Variants in PLEKHB2 observed in about 807,000 individuals in gnomAD.
The protein encoded by PLEKHB2 is pleckstrin homology domain-containing family B member 2.
Under a neutral mutation model 36.5 loss-of-function variants are expected in PLEKHB2, and 31 were observed. That is an observed-to-expected ratio of 0.85 (90% CI 0.64 to 1.15). The LOEUF is 1.15. PLEKHB2 is among the 50% of genes most tolerant of loss of function. The pLI is 0.00. For synonymous variants in PLEKHB2, 119 were observed against 112.0 expected, an observed-to-expected ratio of 1.06 and a Z score of -0.39; for missense variants, 262 against 295.3, an observed-to-expected ratio of 0.89 and a Z score of 0.83.
chr2:131,130,587 C>A (rs192351782), intron 4 of PLEKHB2, 134 bp from the exon 5 acceptor site: 1 of 710,722 alleles, frequency 1.4e-6, no homozygotes, highest in Non-Finnish European at 2.5e-6. Flanking sequence ...GTGCATGTCT[C>A]AAGTGGTTTG....
rs1011687783 is a variant in PLEKHB2, at chr2:131,116,365, A to G, written c.-8-4569A>G. On this transcript the variant is annotated intron_variant, in intron 1 of 7. Transcript: ENST00000693505. ...GAAACACCAGAGAAAACATAGGCAC[A>G]ACATTCGTTGTATTAGTCTGTTCTC... 9.2e-5 allele frequency among the ~76,000 whole-genome samples: 14 copies of G among 152,350 alleles called. No homozygotes were observed. In the East Asian group the frequency reaches 1.7e-3, roughly 19 times the overall value.
At chr2:131,119,405 C>T (rs1209155044) in intron 1 of PLEKHB2, among the ~76,000 whole-genome samples, 4 of 152,212 alleles carry the variant, frequency 2.6e-5, no homozygotes, top group Non-Finnish European at 5.9e-5. Context: ...GGATTCCTCC[C>T]AGGAGGCAGC....
chr2:131,124,348 G>A (rs562001298), intron 2 of PLEKHB2, among the ~76,000 whole-genome samples: 61 of 152,306 alleles, frequency 4.0e-4, no homozygotes, highest in African/African-American at 1.4e-3. Flanking sequence ...GGGATTGTGT[G>A]TGTTGGCCAA....
rs1313244144 is a variant in PLEKHB2 at position 131,148,734 on chromosome 2, G to C, written c.*1961G>C. On this transcript the variant is annotated 3_prime_UTR_variant, in exon 8 of 8. Coordinates refer to ENST00000693505, the MANE Select transcript of PLEKHB2 (RefSeq NM_001100623.2). The stretch of plus-strand genomic sequence containing the variant: ...TCTGTTTCCACATGGAAGGATGTCT[G>C]TTTATCTCTCATCTCTGAATAGATG... The C allele has an allele frequency of 3.3e-5, 5 of 152,156 alleles. No individual in the cohort carries two copies. Among genetic ancestry groups the C allele is most frequent in the South Asian group, 4.1e-4 (2 of 4,824 alleles). 9.4% of individuals were successfully genotyped at this position (152,156 alleles called of 1,614,324 possible).
intron 6 of PLEKHB2, among the ~76,000 whole-genome samples, chr2:131,138,534 G>A (rs551781317): frequency 1.3e-5 from 2 of 152,240 alleles, no homozygotes; most frequent in African/African-American, 4.8e-5. Context: ...CTGGGGAGCT[G>A]CTTTATTGCT....
chr2:131,146,106 T>C (rs1699265249), intron 7 of PLEKHB2, among the ~76,000 whole-genome samples: 1 of 151,516 alleles, frequency 6.6e-6, no homozygotes. Context: ...AGCTTGAACC[T>C]GGGCGGTGGA....
intron 2 of PLEKHB2, 136 bp downstream of exon 2, chr2:131,121,114 A>G: frequency 1.3e-6 from 1 of 763,102 alleles, no homozygotes; most frequent in East Asian, 2.7e-5. Context: ...CCCCTTGGAC[A>G]TTCCTAGATC....
chr2:131,140,344 CG>C (rs1698663001), intron 7 of PLEKHB2, 69 bp downstream of exon 7: 1 of 795,646 alleles, frequency 1.3e-6, no homozygotes, highest in African/African-American at 1.7e-5. Flanking sequence ...GACCTGTAAA[CG>C]TTTTTATTTT....
At chr2:131,129,788 A>T (rs1355113400) in intron 4 of PLEKHB2, among the ~76,000 whole-genome samples, 1 of 123,460 alleles carries the variant, frequency 8.1e-6, no homozygotes, top group Admixed American at 9.1e-5. Context: ...CAGGCGTGAG[A>T]GACTGCTTTT....
At chr2:131,132,391 C>T (rs1002515516) in intron 5 of PLEKHB2, among the ~76,000 whole-genome samples, 2 of 152,078 alleles carry the variant, frequency 1.3e-5, no homozygotes, top group African/African-American at 2.4e-5. Flanking sequence ...ACTGCAGTCT[C>T]GAGCTCCTGG....
intron 4 of PLEKHB2, among the ~76,000 whole-genome samples, chr2:131,129,324 CAAAAAAAAAAAAAAAA>C (rs1168039416): frequency 8.0e-5 from 4 of 49,930 alleles, no homozygotes; most frequent in African/African-American, 1.4e-4. Flanking sequence ...GACTCCATCT[CAAAAAAAAAAAAAAAA>C]AAAAAAAAAA....
rs1372209414 is a variant in PLEKHB2, at chr2:131,149,206, T to A, written c.*2433T>A. ...GTATAAGGTTGCTCAGGTATTTTATTTCCTTGGCCACAACTCCCATAGATG... is the reference window on the plus strand; with the variant it reads ...GTATAAGGTTGCTCAGGTATTTTATATCCTTGGCCACAACTCCCATAGATG... On this transcript the variant is annotated 3_prime_UTR_variant, in exon 8 of 8. Transcript: ENST00000693505. 1.3e-5 allele frequency: 2 copies of A among 152,238 alleles called. No individual in the cohort carries two copies. The highest frequency in any genetic ancestry group is 4.8e-5 in the African/African-American group (2 of 41,458). The allele number at this position is 152,238 out of a possible 1,614,324, so 9.4% of individuals were successfully genotyped here.
chr2:131,118,675 C>T (rs1455648348), intron 1 of PLEKHB2, among the ~76,000 whole-genome samples: 3 of 151,382 alleles, frequency 2.0e-5, no homozygotes, highest in Non-Finnish European at 1.5e-5. Flanking sequence ...ACCATCCTGG[C>T]TAACATGGTG....
chr2:131,140,394 G>T, intron 7 of PLEKHB2, 119 bp downstream of exon 7: 1 of 608,292 alleles, frequency 1.6e-6, no homozygotes, highest in Non-Finnish European at 2.9e-6. Context: ...TCTGGTTGTA[G>T]ACTACAAATC....
chr2:131,132,312 A>T (rs1310524845), intron 5 of PLEKHB2, among the ~76,000 whole-genome samples: 1 of 152,054 alleles, frequency 6.6e-6, no homozygotes, highest in East Asian at 1.9e-4. Flanking sequence ...GTGCTGTAAC[A>T]TCTTTATTTT....
At chr2:131,111,552 A>T (rs533004443) in intron 1 of PLEKHB2, among the ~76,000 whole-genome samples, 1 of 145,946 alleles carries the variant, frequency 6.9e-6, no homozygotes, top group East Asian at 2.1e-4. Flanking sequence ...GTGCAGTGGC[A>T]CTATCTCGGC....
intron 6 of PLEKHB2, among the ~76,000 whole-genome samples, chr2:131,133,552 C>T (rs1231318404): frequency 6.6e-6 from 1 of 152,110 alleles, no homozygotes; most frequent in Non-Finnish European, 1.5e-5. Flanking sequence ...TGTTAATATT[C>T]GATCAAATTA....
chr2:131,146,070 TACTC>T (rs1307260455), intron 7 of PLEKHB2, among the ~76,000 whole-genome samples: 3 of 152,068 alleles, frequency 2.0e-5, no homozygotes, highest in Admixed American at 1.3e-4. Flanking sequence ...TAGTCCCAGT[TACTC>T]AGGAAACTGA....
rs1699493946 is a variant in PLEKHB2 at position 131,149,034 on chromosome 2, G to A, written c.*2261G>A. 6.6e-6 allele frequency: 1 copy of A among 152,132 alleles called. No homozygotes were observed. The highest frequency in any genetic ancestry group is 2.4e-5 in the African/African-American group (1 of 41,412). 9.4% of individuals were successfully genotyped at this position (152,132 alleles called of 1,614,324 possible). On this transcript the variant is annotated 3_prime_UTR_variant, in exon 8 of 8. Transcript: ENST00000693505. ...TCCCCTGGCTGCTTCTGGCTGAAGGGGGGAGGTGTAGACTGAAGCTTGGGC... is the reference window on the plus strand; with the variant it reads ...TCCCCTGGCTGCTTCTGGCTGAAGGAGGGAGGTGTAGACTGAAGCTTGGGC...
Sources: gnomAD v4.1 joint callset for allele counts (sites outside exome capture counted in the v4.1 genomes callset) on GRCh38, gnomAD v4.1.1 for gene constraint, MANE v1.5 for transcripts, NCBI Gene and HGNC (gene_info 2026-07-23, HGNC 2026-07-21) for gene names.